Variants in HMCN2 observed in about 807,000 individuals in gnomAD.
The protein encoded by HMCN2 is hemicentin-2.
Under a neutral mutation model 377.5 loss-of-function variants are expected in HMCN2, and 325 were observed. The observed-to-expected ratio is 0.86, with a 90% confidence interval of 0.79 to 0.94. HMCN2 has a LOEUF of 0.94. Among genes scored for constraint, HMCN2 ranks in the 40% least tolerant of loss-of-function variants. The pLI is 0.00. For synonymous variants in HMCN2, 2,007 were observed against 2,046.8 expected (o/e 0.98, Z 0.53); for missense variants, 4,543 against 4,725.3 (o/e 0.96, Z 1.13).
Position 130,369,738 on chromosome 9 carries a change from A to G in HMCN2, c.6956A>G (p.Gln2319Arg). Residue 2319 changes from glutamine (Q) to arginine (R), a missense_variant, in exon 45 of 98, where the codon CAG becomes CGG. This residue lies in a region of HMCN2 where 1,032 missense variants were observed against 1,285.1 expected (regional missense o/e 0.80). Coordinates refer to ENST00000683500, the MANE Select transcript of HMCN2 (RefSeq NM_001291815.2). The surrounding 1 kb of genome is among the most constrained non-coding windows in gnomAD (Gnocchi z 4.5). The stretch of plus-strand genomic sequence containing the variant: ...GAACTGGGCCTGCAGCTGCAGAACC[A>G]GGGTCAGAGCCTGCATGTGGAGCGG... ...GAELGLQLQNQGQSLHVERAQ... is the reference protein window; with the variant it reads ...GAELGLQLQNRGQSLHVERAQ... The G allele has an allele frequency of 1.0e-6, 1 of 985,958 alleles. No homozygotes were observed. Among genetic ancestry groups the G allele is most frequent in the Non-Finnish European group, 1.2e-6 (1 of 829,986 alleles). 61.1% of individuals were successfully genotyped at this position (985,958 alleles called of 1,614,324 possible). A position where few individuals can be genotyped will look rare whatever the true frequency, so the allele number is the denominator to read the frequency against.
At chr9:130,381,710 C>T (rs570193198) in intron 54 of HMCN2, among the ~76,000 whole-genome samples, 71 of 152,188 alleles carry the variant, frequency 4.7e-4, no homozygotes, top group Admixed American at 1.4e-3. Flanking sequence ...GGGTCCCAGG[C>T]GATGCCTCCC....
At chr9:130,301,753 C>T (rs542199927) in intron 8 of HMCN2, among the ~76,000 whole-genome samples, 11 of 152,374 alleles carry the variant, frequency 7.2e-5, no homozygotes, top group Admixed American at 5.2e-4. Flanking sequence ...CCCGGAGCAT[C>T]TCTGCTGGGC....
At chr9:130,403,073 C>T (rs539521990) in intron 78 of HMCN2, 121 bp from the exon 79 acceptor site, 47 of 1,087,306 alleles carry the variant, frequency 4.3e-5, no homozygotes, top group African/African-American at 2.8e-4. Context: ...TTGCTGTGGC[C>T]GATGTTTCTA....
intron 15 of HMCN2, among the ~76,000 whole-genome samples, chr9:130,312,497 T>C (rs1158429995): frequency 7.9e-5 from 4 of 50,560 alleles, no homozygotes; most frequent in Non-Finnish European, 1.7e-4. Context: ...CTCTCTCTCT[T>C]TCTTTCTGTC....
intron 22 of HMCN2, among the ~76,000 whole-genome samples, chr9:130,334,722 TTCTC>T (rs1187038721): frequency 1.4e-5 from 2 of 138,440 alleles, no homozygotes; most frequent in African/African-American, 5.2e-5. Flanking sequence ...TCTCTCTCTC[TTCTC>T]TCTTTCTCTC....
At chr9:130,365,362 A>G (rs578060550) in intron 41 of HMCN2, among the ~76,000 whole-genome samples, 28 of 128,934 alleles carry the variant, frequency 2.2e-4, no homozygotes, top group Non-Finnish European at 3.6e-4. Context: ...AGCCAGTCAC[A>G]TGCCTCCCCC....
rs1433485137 is a variant in HMCN2, at chr9:130,354,760, C to T, written c.4865-3C>T. 3 of 1,293,914 alleles carry T rather than the reference C, an allele frequency of 2.3e-6. No homozygotes were observed. Among genetic ancestry groups the T allele is most frequent in the East Asian group, 5.6e-5 (1 of 17,834 alleles). 80.2% of individuals were successfully genotyped at this position (1,293,914 alleles called of 1,614,324 possible). A position where few individuals can be genotyped will look rare whatever the true frequency, so the allele number is the denominator to read the frequency against. On this transcript the variant is annotated splice_polypyrimidine_tract_variant and splice_region_variant and intron_variant, in intron 31 of 97. Coordinates refer to ENST00000683500, the MANE Select transcript of HMCN2 (RefSeq NM_001291815.2). ...CCCAAGCCGCCCCCTGCCTCTTTTC[C>T]AGTCCCACCTACCATCGAGGGCGCC... is the stretch of plus-strand genomic sequence containing the variant.
intron 4 of HMCN2, among the ~76,000 whole-genome samples, chr9:130,288,321 C>T (rs553126435): frequency 6.6e-6 from 1 of 152,354 alleles, no homozygotes; most frequent in Non-Finnish European, 1.5e-5. Flanking sequence ...GTGTCTGACT[C>T]AGTAGGACCA....
chr9:130,297,773 T>C (rs1025865658), intron 7 of HMCN2, among the ~76,000 whole-genome samples: 8 of 152,226 alleles, frequency 5.3e-5, no homozygotes, highest in African/African-American at 1.9e-4. Context: ...TTTGTTTGTT[T>C]TGCCGATAGC....
chr9:130,348,299 T>G (rs553283658), intron 26 of HMCN2, among the ~76,000 whole-genome samples: 4 of 152,322 alleles, frequency 2.6e-5, no homozygotes, highest in African/African-American at 9.6e-5. Flanking sequence ...CTCCAGCACC[T>G]TGCAAAGCTG....
chr9:130,293,278 A>AATTTTT (rs1554930691), intron 4 of HMCN2, among the ~76,000 whole-genome samples: 1 of 30,018 alleles, frequency 3.3e-5, no homozygotes, highest in Admixed American at 4.5e-4. Context: ...TACTCACTAA[A>AATTTTT]GTTTTTTTTT....
chr9:130,371,873 G>A (rs1473814545), intron 46 of HMCN2, among the ~76,000 whole-genome samples: 1 of 152,186 alleles, frequency 6.6e-6, no homozygotes, highest in East Asian at 1.9e-4. Flanking sequence ...ACTGATCTTG[G>A]GAGACCCTTG....
intron 36 of HMCN2, 34 bp from the exon 37 acceptor site, chr9:130,359,285 C>A: frequency 8.3e-7 from 1 of 1,198,416 alleles, no homozygotes; most frequent in Non-Finnish European, 1.1e-6. Flanking sequence ...GAGCTTGCAC[C>A]TACCAAGCTG....
At chr9:130,362,788 T>G in intron 39 of HMCN2, 79 bp from the exon 40 acceptor site, 2 of 970,990 alleles carry the variant, frequency 2.1e-6, no homozygotes, top group Non-Finnish European at 1.2e-6. Context: ...AAGGCCGGCT[T>G]GGGCAGGTGG....
rs1001166644 is a variant in HMCN2, at chr9:130,406,126, A to G, written c.12511A>G (p.Thr4171Ala). ...WLRCAARGSP[T>A]PRIGWTVNDR... is the part of the protein sequence containing the mutation. ...TCGCTGTGCAGCCCGGGGCAGCCCC[A>G]CCCCTCGCATTGGCTGGACTGTCAA... Residue 4171 changes from threonine (T) to alanine (A), a missense_variant, in exon 82 of 98, where the codon ACC (threonine) becomes GCC (alanine). Thr to Ala is a moderately conservative substitution (Grantham distance 58). This residue lies in a region of HMCN2 where 1,073 missense variants were observed against 1,319.5 expected (regional missense o/e 0.81). Transcript: ENST00000683500. 7 of 1,289,500 alleles carry G rather than the reference A, an allele frequency of 5.4e-6. No homozygotes were observed. The highest frequency in any genetic ancestry group is 6.1e-6 in the Non-Finnish European group (6 of 988,842). 79.9% of individuals were successfully genotyped at this position (1,289,500 alleles called of 1,614,324 possible).
Position 130,295,698 on chromosome 9 carries a change from G to A in HMCN2, c.817G>A (p.Val273Met), listed in dbSNP as rs782506939. The A allele has an allele frequency of 3.7e-4, 172 of 470,980 alleles. No individual in the cohort carries two copies. The highest frequency in any genetic ancestry group is 1.4e-4 in the East Asian group (2 of 14,406). The allele number at this position is 470,980 out of a possible 1,614,324, so 29.2% of individuals were successfully genotyped here. A position where few individuals can be genotyped will look rare whatever the true frequency, so the allele number is the denominator to read the frequency against. The change falls in exon 6 of 98, where the codon GTG (valine) becomes ATG (methionine). Residue 273 changes from valine to methionine, a missense_variant. By Grantham distance (21) the Val-to-Met change is conservative. Transcript: ENST00000683500. The stretch of plus-strand genomic sequence containing the variant: ...CCTGCAGGAGGACGAGGGCCTCAAC[G>A]TGCTTCTCAACATCCCTGACTCGGC... ...RILQEDEGLN[V>M]LLNIPDSAKV...
intron 15 of HMCN2, among the ~76,000 whole-genome samples, chr9:130,316,609 C>G (rs1837574710): frequency 6.6e-6 from 1 of 152,200 alleles, no homozygotes; most frequent in African/African-American, 2.4e-5. Flanking sequence ...AGAGGCTCCT[C>G]CAGGAGTCTC....
At chr9:130,363,993 G>T (rs1017144644) in intron 40 of HMCN2, among the ~76,000 whole-genome samples, 1 of 151,834 alleles carries the variant, frequency 6.6e-6, no homozygotes, top group Non-Finnish European at 1.5e-5. Context: ...AAAGAGAAAG[G>T]AAGGAAGGAA....
rs937427490 is a variant in HMCN2 at position 130,388,509 on chromosome 9, G to A, written c.9492G>A (p.Thr3164=). 4 of 987,966 alleles carry A rather than the reference G, an allele frequency of 4.0e-6. No homozygotes were observed. Among genetic ancestry groups the A allele is most frequent in the Non-Finnish European group, 3.6e-6 (3 of 830,140 alleles). The allele number at this position is 987,966 out of a possible 1,614,324, so 61.2% of individuals were successfully genotyped here. A position where few individuals can be genotyped will look rare whatever the true frequency, so the allele number is the denominator to read the frequency against. ...TCDVSGVPAP[T]VTWLKDRMPV... ...ATGTGTCCGGGGTCCCTGCACCCACGGTCACTTGGCTGAAGGACAGGATGC... is the reference window on the plus strand; with the variant it reads ...ATGTGTCCGGGGTCCCTGCACCCACAGTCACTTGGCTGAAGGACAGGATGC... The change falls in exon 62 of 98, where the codon ACG becomes ACA. Residue 3164 remains threonine (T), a synonymous_variant. Coordinates refer to ENST00000683500, the MANE Select transcript of HMCN2 (RefSeq NM_001291815.2).
Sources: gnomAD v4.1 joint callset for allele counts (sites outside exome capture counted in the v4.1 genomes callset) on GRCh38, gnomAD v4.1.1 for gene constraint, gnomAD v4.1.1 regional missense constraint, Gnocchi (gnomAD v3.1) non-coding constraint, MANE v1.5 for transcripts, NCBI Gene and HGNC (gene_info 2026-07-23, HGNC 2026-07-21) for gene names.